Variants in C1orf50 observed in about 807,000 individuals in gnomAD.
The protein encoded by C1orf50 is chromosome 1 open reading frame 50, also known as uncharacterized protein C1orf50.
Under a neutral mutation model 23.3 loss-of-function variants are expected in C1orf50, and 22 were observed. The observed-to-expected ratio is 0.94, with a 90% CI of 0.67 to 1.35. The LOEUF is 1.35. Ranked by LOEUF, C1orf50 falls within the 40% of genes most tolerant of loss-of-function variation. The pLI is 0.00. For synonymous variants in C1orf50, 96 were observed against 102.4 expected (o/e 0.94, Z 0.38); for missense variants, 271 against 249.4 (o/e 1.09, Z -0.58).
At position 42,767,281 on chromosome 1, in the gene C1orf50, G is replaced by T. The variant is rs758161425; in HGVS notation, c.-31G>T. On this transcript the variant is annotated 5_prime_UTR_variant, in exon 1 of 5. Transcript: ENST00000372525. The stretch of plus-strand genomic sequence containing the variant: ...TGCGCAGGCTCTTCCTACTCGCACA[G>T]CCCAGGGAGTGGGGAGGATAAGGCG... 1 of 1,481,162 alleles carries T rather than the reference G, an allele frequency of 6.8e-7. No individual in the cohort carries two copies. The highest frequency in any genetic ancestry group is 1.4e-5 in the South Asian group (1 of 71,046). 91.8% of individuals were successfully genotyped at this position (1,481,162 alleles called of 1,614,324 possible).
At chr1:42,767,488 G>T (rs1432966188) in intron 1 of C1orf50, 21 bp from the exon 2 acceptor site, 1 of 1,557,354 alleles carries the variant, frequency 6.4e-7, no homozygotes, top group Non-Finnish European at 8.7e-7. Context: ...CACGGCTTGT[G>T]TTCCTGGGTG....
rs994541068 is a variant in C1orf50, at chr1:42,767,305, C to G, written c.-7C>G. The G allele has an allele frequency of 3.5e-5, 52 of 1,501,156 alleles. No homozygotes were observed. The South Asian group carries it at 4.7e-4, about 14-fold the overall frequency. The allele number at this position is 1,501,156 out of a possible 1,614,324, so 93.0% of individuals were successfully genotyped here. On this transcript the variant is annotated 5_prime_UTR_variant, in exon 1 of 5. Coordinates refer to ENST00000372525, the MANE Select transcript of C1orf50 (RefSeq NM_024097.4). The stretch of plus-strand genomic sequence containing the variant: ...AGCCCAGGGAGTGGGGAGGATAAGG[C>G]GCTGTCATGGAGGACGCCGCCGCGC...
At position 42,767,269 on chromosome 1, in the gene C1orf50, C is replaced by T; in HGVS notation, c.-43C>T. The T allele has an allele frequency of 1.4e-6, 2 of 1,467,242 alleles. No individual in the cohort carries two copies. 90.9% of individuals were successfully genotyped at this position (1,467,242 alleles called of 1,614,324 possible). ...CACGCGCCTTTATGCGCAGGCTCTT[C>T]CTACTCGCACAGCCCAGGGAGTGGG... On this transcript the variant is annotated 5_prime_UTR_variant, in exon 1 of 5. Coordinates refer to ENST00000372525, the MANE Select transcript of C1orf50 (RefSeq NM_024097.4).
chr1:42,779,483 T>C lies in C1orf50; in HGVS notation c.*4089T>C, dbSNP rs1035496683. The C allele has an allele frequency of 6.6e-6, 1 of 152,190 alleles. No individual in the cohort carries two copies. Among genetic ancestry groups the C allele is most frequent in the Admixed American group, 6.5e-5 (1 of 15,282 alleles). 9.4% of individuals were successfully genotyped at this position (152,190 alleles called of 1,614,324 possible). A position where few individuals can be genotyped will look rare whatever the true frequency, so the allele number is the denominator to read the frequency against. On this transcript the variant is annotated 3_prime_UTR_variant, in exon 5 of 5. Transcript: ENST00000372525. ...CTTGTTAATAAAATGTCAGAGGGAT[T>C]AGAGGAAAGACTCTTAGATGATGCT...
chr1:42,773,547 T>G lies in C1orf50; in HGVS notation c.196-16T>G, dbSNP rs1457441222. ...TTCCTCTTTCAACCCACAGTTTAGTTTTTTCTCACCTGTAGGCTGATGAAT... is the reference window on the plus strand; with the variant it reads ...TTCCTCTTTCAACCCACAGTTTAGTGTTTTCTCACCTGTAGGCTGATGAAT... On this transcript the variant is annotated splice_polypyrimidine_tract_variant and intron_variant, in intron 2 of 4. Coordinates refer to ENST00000372525, the MANE Select transcript of C1orf50 (RefSeq NM_024097.4). The G allele has an allele frequency of 6.4e-7, 1 of 1,560,530 alleles. No individual in the cohort carries two copies.
rs553399125 is a variant in C1orf50, at chr1:42,767,298, G to C, written c.-14G>C. 85 of 1,497,002 alleles carry C rather than the reference G, an allele frequency of 5.7e-5. No individual in the cohort carries two copies. The South Asian group carries it at 1.1e-3, about 19-fold the overall frequency. The allele number at this position is 1,497,002 out of a possible 1,614,324, so 92.7% of individuals were successfully genotyped here. A position where few individuals can be genotyped will look rare whatever the true frequency, so the allele number is the denominator to read the frequency against. ...CTCGCACAGCCCAGGGAGTGGGGAG[G>C]ATAAGGCGCTGTCATGGAGGACGCC... is the stretch of plus-strand genomic sequence containing the variant. On this transcript the variant is annotated 5_prime_UTR_variant, in exon 1 of 5. Transcript: ENST00000372525.
At chr1:42,770,258 TTTTGCATTTTATATTAACTC>T (rs1326268716) in intron 2 of C1orf50, among the ~76,000 whole-genome samples, 6 of 152,194 alleles carry the variant, frequency 3.9e-5, no homozygotes, top group African/African-American at 1.4e-4. Flanking sequence ...CTAATCCATA[TTTTGCATTTTATATTAACTC>T]TTCAAAATAT....
Position 42,776,339 on chromosome 1 carries a change from CTG to C in C1orf50, c.*947_*948del, listed in dbSNP as rs1653340102. On this transcript the variant is annotated 3_prime_UTR_variant, in exon 5 of 5. Transcript: ENST00000372525. The stretch of plus-strand genomic sequence containing the variant: ...ACTTAACAGGGTTTTGGCAAAATTA[CTG>C]TAGTTCTTATTCTGACTAGGCTCTT... The C allele has an allele frequency of 6.6e-6, 1 of 152,342 alleles. No individual in the cohort carries two copies. Among genetic ancestry groups the C allele is most frequent in the East Asian group, 1.9e-4 (1 of 5,190 alleles). The allele number at this position is 152,342 out of a possible 1,614,324, so 9.4% of individuals were successfully genotyped here. A position where few individuals can be genotyped will look rare whatever the true frequency, so the allele number is the denominator to read the frequency against.
intron 2 of C1orf50, among the ~76,000 whole-genome samples, chr1:42,770,803 C>A (rs1035716804): frequency 6.6e-6 from 1 of 152,162 alleles, no homozygotes; most frequent in African/African-American, 2.4e-5. Context: ...TCTCTGCTCT[C>A]TTTTTAAACC....
chr1:42,773,591 CCAA>C lies in C1orf50; in HGVS notation c.228_230del (p.Asn76del). The C allele has an allele frequency of 6.2e-7, 1 of 1,612,926 alleles. No homozygotes were observed. The highest frequency in any genetic ancestry group is 8.5e-7 in the Non-Finnish European group (1 of 1,179,148). On this transcript the variant is annotated inframe_deletion, in exon 3 of 5. Coordinates refer to ENST00000372525, the MANE Select transcript of C1orf50 (RefSeq NM_024097.4). ...GATGAATTCATCCGAGCAAATGCCA[CCAA>C]CAAGCTGACAGTCATAGCTGAGCAA...
intron 2 of C1orf50, 184 bp from the exon 3 acceptor site, chr1:42,773,379 C>T (rs1653263787): frequency 4.2e-6 from 2 of 471,392 alleles, no homozygotes; most frequent in African/African-American, 2.0e-5. Flanking sequence ...GTCAGGGTGG[C>T]CTTCTCATGA....
rs185879676 is a variant in C1orf50 at position 42,776,876 on chromosome 1, C to G, written c.*1482C>G. On this transcript the variant is annotated 3_prime_UTR_variant, in exon 5 of 5. Transcript: ENST00000372525. ...AGGTGCTTTATTAGTTACAGATAAA[C>G]AAATTACTGCAAACTTAATGGTTTA... The G allele has an allele frequency of 6.6e-6, 1 of 152,268 alleles. No homozygotes were observed. The highest frequency in any genetic ancestry group is 6.5e-5 in the Admixed American group (1 of 15,272). 9.4% of individuals were successfully genotyped at this position (152,268 alleles called of 1,614,324 possible).
At chr1:42,773,241 G>A (rs1373542279) in intron 2 of C1orf50, 2 of 201,366 alleles carry the variant, frequency 9.9e-6, no homozygotes, top group African/African-American at 4.7e-5. Flanking sequence ...ATATTTGGTA[G>A]CAGGAGAGAG....
chr1:42,774,566 T>C (rs1653294293), intron 3 of C1orf50, among the ~76,000 whole-genome samples, 171 bp from the exon 4 acceptor site: 1 of 152,230 alleles, frequency 6.6e-6, no homozygotes. Context: ...CATAGCAGCA[T>C]AGTCTAATTT....
At chr1:42,772,746 A>C (rs944108033) in intron 2 of C1orf50, among the ~76,000 whole-genome samples, 3 of 151,438 alleles carry the variant, frequency 2.0e-5, no homozygotes, top group Non-Finnish European at 4.4e-5. Flanking sequence ...GCGCCATTGC[A>C]CTGCAGCCTG....
chr1:42,773,863 C>T (rs757404675), intron 3 of C1orf50, among the ~76,000 whole-genome samples: 2 of 152,184 alleles, frequency 1.3e-5, no homozygotes, highest in African/African-American at 2.4e-5. Context: ...GCTCTTGTTG[C>T]CCAGGCTGGA....
chr1:42,771,001 AG>A (rs1653208749), intron 2 of C1orf50, among the ~76,000 whole-genome samples: 1 of 152,148 alleles, frequency 6.6e-6, no homozygotes, highest in African/African-American at 2.4e-5. Context: ...TCCAAATGAC[AG>A]TATTATTAAA....
intron 2 of C1orf50, among the ~76,000 whole-genome samples, chr1:42,770,337 G>A (rs1653189038): frequency 6.6e-6 from 1 of 151,952 alleles, no homozygotes; most frequent in African/African-American, 2.4e-5. Flanking sequence ...TTAAGAAAAG[G>A]GAGGGTTATT....
At position 42,775,585 on chromosome 1, in the gene C1orf50, C is replaced by CT; in HGVS notation, c.*194dup. The stretch of plus-strand genomic sequence containing the variant: ...ATAATCATTGAGACAGAGTCACTGT[C>CT]TTTCGGGATCCTCTTTGGACCACAG... On this transcript the variant is annotated 3_prime_UTR_variant, in exon 5 of 5. Transcript: ENST00000372525. The CT allele has an allele frequency of 2.0e-6, 1 of 496,050 alleles. No individual in the cohort carries two copies. Among genetic ancestry groups the CT allele is most frequent in the Non-Finnish European group, 3.5e-6 (1 of 283,660 alleles). The allele number at this position is 496,050 out of a possible 1,614,324, so 30.7% of individuals were successfully genotyped here.
Sources: allele counts gnomAD v4.1 joint callset (sites outside exome capture counted in the v4.1 genomes callset), GRCh38; gene constraint gnomAD v4.1.1; transcripts MANE v1.5; gene names NCBI Gene and HGNC (gene_info 2026-07-23, HGNC 2026-07-21).